The following NOL11 variants were observed in gnomAD, a reference collection of about 807,000 sequenced individuals.
NOL11 encodes nucleolar protein 11.
Under a neutral mutation model 93.0 loss-of-function variants are expected in NOL11, and 42 were observed. The observed-to-expected ratio is 0.45, with a 90% confidence interval of 0.35 to 0.58. NOL11 has a LOEUF of 0.58. NOL11 is among the 20% of genes least tolerant of loss of function. The pLI is 0.00. For missense variants in NOL11, 775 were observed against 841.8 expected (o/e 0.92, Z 0.98); for synonymous variants, 296 against 293.7 (o/e 1.01, Z -0.08).
chr17:67,739,280 G>C (rs1401168114), intron 15 of NOL11, among the ~76,000 whole-genome samples: 1 of 152,120 alleles, frequency 6.6e-6, no homozygotes, highest in Non-Finnish European at 1.5e-5. Context: ...GCAGACAGAA[G>C]GGTTCTCTCT....
chr17:67,735,918 C>T lies in NOL11; in HGVS notation c.949C>T (p.His317Tyr), dbSNP rs1483709043. 1.9e-6 allele frequency: 3 copies of T among 1,609,196 alleles called. No homozygotes were observed. The highest frequency in any genetic ancestry group is 1.1e-5 in the South Asian group (1 of 89,914). ...TSGQLWYYGE[H>Y]LFMLHGKSLT... ...TTTGTAGCTCTGGTATTATGGAGAA[C>T]ATTTGTTTATGCTACATGGAAAATC... The change falls in exon 9 of 18, where the codon CAT (histidine) becomes TAT (tyrosine). Residue 317 changes from histidine (H) to tyrosine (Y), a missense_variant. By Grantham distance (83) the His-to-Tyr change is moderately conservative. Transcript: ENST00000253247.
chr17:67,738,031 T>C, intron 13 of NOL11, 59 bp downstream of exon 13: 1 of 1,562,682 alleles, frequency 6.4e-7, no homozygotes, highest in Non-Finnish European at 8.6e-7. Context: ...TTACATTATT[T>C]GATTTCCAAA....
rs2055229611 is a variant in NOL11, at chr17:67,738,973, T to C, written c.1805T>C (p.Leu602Pro). Residue 602 changes from leucine to proline, a missense_variant, in exon 15 of 18, where the codon CTG becomes CCG. Coordinates refer to ENST00000253247, the MANE Select transcript of NOL11 (RefSeq NM_015462.5). Reference sequence around the variant, plus strand: ...TCAGCATATAGCGAGACATTTCTTCTGCCTCATTTGAAAGACATCCCAGCA... The same window carrying C: ...TCAGCATATAGCGAGACATTTCTTCCGCCTCATTTGAAAGACATCCCAGCA... The part of the protein sequence containing the change: ...LHSAYSETFL[L>P]PHLKDIPAQH... The C allele has an allele frequency of 5.6e-6, 9 of 1,613,060 alleles. No homozygotes were observed. Among genetic ancestry groups the C allele is most frequent in the Admixed American group, 3.3e-5 (2 of 59,948 alleles).
At chr17:67,728,480 C>T (rs1333523937) in intron 7 of NOL11, among the ~76,000 whole-genome samples, 1 of 152,122 alleles carries the variant, frequency 6.6e-6, no homozygotes, top group Non-Finnish European at 1.5e-5. Flanking sequence ...TACCCTGCCG[C>T]TCTTAAGTCC....
intron 7 of NOL11, among the ~76,000 whole-genome samples, chr17:67,730,826 T>C (rs1218416124): frequency 1.3e-5 from 2 of 152,236 alleles, no homozygotes; most frequent in Non-Finnish European, 2.9e-5. Context: ...GTTGATTGTG[T>C]TTAACTTTTT....
In NOL11 at chr17:67,743,853, C is replaced by T; in HGVS notation, c.2154C>T (p.Leu718=). The change falls in exon 18 of 18, where the codon CTC becomes CTT. Residue 718 remains leucine, a synonymous_variant. Coordinates refer to ENST00000253247, the MANE Select transcript of NOL11 (RefSeq NM_015462.5). The part of the protein sequence containing the change: ...RGLYSIEVLE[L]F ...TATATTCAATTGAAGTGCTGGAGCT[C>T]TTCTGATATTATCAATTCTCCTTCA... The T allele has an allele frequency of 7.2e-7, 1 of 1,382,676 alleles. No homozygotes were observed. Among genetic ancestry groups the T allele is most frequent in the African/African-American group, 1.5e-5 (1 of 67,608 alleles). 85.7% of individuals were successfully genotyped at this position (1,382,676 alleles called of 1,614,324 possible).
At chr17:67,723,974 A>G in intron 5 of NOL11, 75 bp from the exon 6 acceptor site, 2 of 1,041,516 alleles carry the variant, frequency 1.9e-6, no homozygotes, top group East Asian at 4.9e-5. Context: ...TGGGGTGACA[A>G]CTTCTGGTTT....
At position 67,739,591 on chromosome 17, in the gene NOL11, C is replaced by A. The variant is rs1231929388; in HGVS notation, c.1918C>A (p.Pro640Thr). 6.9e-6 allele frequency: 11 copies of A among 1,588,306 alleles called. No homozygotes were observed. Among genetic ancestry groups the A allele is most frequent in the African/African-American group, 1.4e-5 (1 of 73,802 alleles). ...NATMTLPGIH[P>T]PTLNQIMDWI... ...TACTATGACTCTTCCTGGAATACAC[C>A]CACCTACCTTGAACCAGGTGAGATT... Residue 640 changes from proline to threonine, a missense_variant, in exon 16 of 18, where the codon CCA becomes ACA. Pro to Thr is a conservative substitution (Grantham distance 38). Coordinates refer to ENST00000253247, the MANE Select transcript of NOL11 (RefSeq NM_015462.5).
intron 16 of NOL11, among the ~76,000 whole-genome samples, chr17:67,741,424 T>A (rs1411882845): frequency 6.6e-6 from 1 of 152,070 alleles, no homozygotes; most frequent in African/African-American, 2.4e-5. Context: ...CTCCCTGTGT[T>A]ACCCAGGCTG....
chr17:67,728,443 C>T (rs1167845686), intron 7 of NOL11, among the ~76,000 whole-genome samples: 2 of 152,050 alleles, frequency 1.3e-5, no homozygotes, highest in South Asian at 4.1e-4. Context: ...GGATTCAACC[C>T]GAACAGGTGA....
At chr17:67,726,748 A>C in intron 7 of NOL11, 100 bp downstream of exon 7, 1 of 864,432 alleles carries the variant, frequency 1.2e-6, no homozygotes, top group Non-Finnish European at 1.6e-6. Context: ...TACCCAGACT[A>C]ATTCATTCTC....
At chr17:67,743,046 A>C (rs1394777417) in intron 16 of NOL11, among the ~76,000 whole-genome samples, 1 of 152,220 alleles carries the variant, frequency 6.6e-6, no homozygotes, top group African/African-American at 2.4e-5. Flanking sequence ...ATTCAAGACC[A>C]GCTTGGCAAT....
At chr17:67,726,716 C>A in intron 7 of NOL11, 68 bp downstream of exon 7, 1 of 1,211,532 alleles carries the variant, frequency 8.3e-7, no homozygotes. Flanking sequence ...TTTAGTCTTC[C>A]TTTTCTTTTT....
chr17:67,733,573 A>AG (rs2055174702), intron 7 of NOL11, among the ~76,000 whole-genome samples: 1 of 152,078 alleles, frequency 6.6e-6, no homozygotes, highest in African/African-American at 2.4e-5. Context: ...TCCTTATCTT[A>AG]GGGGGAAAGC....
Position 67,734,424 on chromosome 17 carries a change from A to G in NOL11, c.915A>G (p.Gln305=), listed in dbSNP as rs755516309. The change falls in exon 8 of 18, where the codon CAA becomes CAG. Residue 305 remains glutamine (Q), a synonymous_variant. Coordinates refer to ENST00000253247, the MANE Select transcript of NOL11 (RefSeq NM_015462.5). ...TACAGACTTCAAAAGAGTTACCACA[A>G]GGGACCAGTGGTCAAGTAAGTTTTT... ...QTLQTSKELP[Q]GTSGQLWYYG... 6 of 1,601,988 alleles carry G rather than the reference A, an allele frequency of 3.7e-6. No homozygotes were observed. Among genetic ancestry groups the G allele is most frequent in the Admixed American group, 3.3e-5 (2 of 59,730 alleles).
chr17:67,724,306 G>A (rs2055066522), intron 6 of NOL11, 113 bp downstream of exon 6: 1 of 559,892 alleles, frequency 1.8e-6, no homozygotes, highest in African/African-American at 2.0e-5. Flanking sequence ...CCATTTCTGT[G>A]CTTCTTTACA....
At chr17:67,722,670 G>T (rs2043227078) in intron 5 of NOL11, 33 bp downstream of exon 5, 1 of 1,494,912 alleles carries the variant, frequency 6.7e-7, no homozygotes, top group Non-Finnish European at 8.8e-7. Context: ...GGCCCATTTT[G>T]TGAAATTTCT....
intron 10 of NOL11, 157 bp from the exon 11 acceptor site, chr17:67,736,914 A>T: frequency 1.4e-6 from 1 of 726,136 alleles, no homozygotes; most frequent in Non-Finnish European, 2.3e-6. Flanking sequence ...TTCTTTATCC[A>T]GAAATGCCCC....
chr17:67,718,082 C>T lies in NOL11; in HGVS notation c.135C>T (p.Leu45=), dbSNP rs2043189308. The change falls in exon 1 of 18, where the codon CTC becomes CTT. Residue 45 remains leucine (L), a synonymous_variant. Transcript: ENST00000253247. The part of the protein sequence containing the change: ...LVTDSGRTVI[L]YKVSDQKPLG... ...CAGACAGCGGCAGGACAGTCATCCT[C>T]TATAAGGTGAAGGCAATAGGTTTGG... 1.2e-6 allele frequency: 2 copies of T among 1,613,994 alleles called. No homozygotes were observed. The highest frequency in any genetic ancestry group is 2.2e-5 in the East Asian group (1 of 44,894).
Sources: allele counts gnomAD v4.1 joint callset (sites outside exome capture counted in the v4.1 genomes callset), GRCh38; gene constraint gnomAD v4.1.1; transcripts MANE v1.5; gene names NCBI Gene and HGNC (gene_info 2026-07-23, HGNC 2026-07-21).